The following TMEM74 variants were observed in gnomAD, a reference collection of about 807,000 sequenced individuals.
The protein encoded by TMEM74 is transmembrane protein 74.
TMEM74 carries 13 observed loss-of-function variants against 18.1 expected under a neutral mutation model. That is an observed-to-expected ratio of 0.72 (90% CI 0.47 to 1.14). The LOEUF is 1.14. Ranked by LOEUF, TMEM74 falls within the 50% of genes most tolerant of loss-of-function variation. TMEM74 has a pLI of 0.00. For synonymous variants in TMEM74, 159 were observed against 146.6 expected, an observed-to-expected ratio of 1.08 and a Z score of -0.61; for missense variants, 372 against 375.9, an observed-to-expected ratio of 0.99 and a Z score of 0.09.
intron 2 of TMEM74, among the ~76,000 whole-genome samples, chr8:108,612,151 A>T (rs987814220): frequency 2.0e-5 from 3 of 152,118 alleles, no homozygotes; most frequent in Non-Finnish European, 2.9e-5. Context: ...CTACAATTCA[A>T]GATGAGATTT....
intron 1 of TMEM74, among the ~76,000 whole-genome samples, chr8:108,767,004 C>T (rs111958225): frequency 5.3e-5 from 8 of 152,160 alleles, no homozygotes; most frequent in African/African-American, 1.4e-4. Context: ...GCTGATTACA[C>T]GGTACCCACC....
chr8:108,615,819 C>CTTTTTTTTTTTTTT (rs71564011), intron 2 of TMEM74, among the ~76,000 whole-genome samples: 6 of 76,420 alleles, frequency 7.9e-5, no homozygotes, highest in Non-Finnish European at 1.4e-4. Flanking sequence ...TGCATGGGAG[C>CTTTTTTTTTTTTTT]TTTTTTTTTT....
intron 1 of TMEM74, among the ~76,000 whole-genome samples, chr8:108,657,900 AT>A (rs1334684490): frequency 9.7e-5 from 12 of 123,508 alleles, no homozygotes; most frequent in African/African-American, 3.7e-4. Flanking sequence ...ATATATATAT[AT>A]ATTAATTACA....
At chr8:108,697,374 A>G (rs1813290385) in intron 1 of TMEM74, among the ~76,000 whole-genome samples, 1 of 152,146 alleles carries the variant, frequency 6.6e-6, no homozygotes, top group Admixed American at 6.5e-5. Context: ...ATGACAGGCA[A>G]ATGGGTTCTG....
chr8:108,721,415 A>G (rs1240575072), intron 1 of TMEM74, among the ~76,000 whole-genome samples: 1 of 152,224 alleles, frequency 6.6e-6, no homozygotes, highest in Non-Finnish European at 1.5e-5. Flanking sequence ...GACACTAGTC[A>G]TCTTTCTGAC....
intron 1 of TMEM74, among the ~76,000 whole-genome samples, chr8:108,690,588 G>T (rs753181357): frequency 2.0e-5 from 3 of 151,934 alleles, no homozygotes; most frequent in Non-Finnish European, 4.4e-5. Context: ...GGCCGAGGCG[G>T]GCAGATCACG....
At chr8:108,756,688 GA>G (rs1261723212) in intron 1 of TMEM74, among the ~76,000 whole-genome samples, 90 of 109,052 alleles carry the variant, frequency 8.3e-4, no homozygotes, top group East Asian at 1.7e-3. Context: ...AAGAAAGAAA[GA>G]AAGAAAGAAG....
chr8:108,762,403 A>C, intron 1 of TMEM74, among the ~76,000 whole-genome samples: 1 of 152,124 alleles, frequency 6.6e-6, no homozygotes. Context: ...AGTAATATGC[A>C]GGCTTAGGAC....
intron 2 of TMEM74, among the ~76,000 whole-genome samples, chr8:108,619,080 A>T (rs1333087404): frequency 1.3e-5 from 2 of 152,152 alleles, no homozygotes; most frequent in African/African-American, 4.8e-5. Flanking sequence ...CTTGAGAAAA[A>T]TTTTATTGCA....
At chr8:108,735,053 A>G (rs762440982) in intron 1 of TMEM74, among the ~76,000 whole-genome samples, 5 of 152,066 alleles carry the variant, frequency 3.3e-5, no homozygotes, top group Non-Finnish European at 7.4e-5. Flanking sequence ...CTCTAATTCC[A>G]TCATCATTCT....
At chr8:108,629,892 A>G (rs1442863865) in intron 2 of TMEM74, among the ~76,000 whole-genome samples, 4 of 152,130 alleles carry the variant, frequency 2.6e-5, no homozygotes, top group African/African-American at 9.7e-5. Context: ...ACCAAAATAT[A>G]AAAACCAATG....
At chr8:108,640,530 C>A (rs573844372) in intron 2 of TMEM74, among the ~76,000 whole-genome samples, 8 of 151,926 alleles carry the variant, frequency 5.3e-5, no homozygotes, top group Non-Finnish European at 8.8e-5. Context: ...TTTTTTCAAT[C>A]TAAAGTTATT....
intron 1 of TMEM74, among the ~76,000 whole-genome samples, chr8:108,715,863 G>A (rs1813518459): frequency 6.6e-6 from 1 of 151,920 alleles, no homozygotes; most frequent in African/African-American, 2.4e-5. Context: ...ATATTTATGA[G>A]ACAAGTAACC....
intron 2 of TMEM74, among the ~76,000 whole-genome samples, chr8:108,637,297 A>AT (rs1812616373): frequency 6.6e-6 from 1 of 152,036 alleles, no homozygotes. Flanking sequence ...TTATTATATA[A>AT]TTTTTTAAAA....
At chr8:108,672,549 C>T (rs568633800) in intron 1 of TMEM74, among the ~76,000 whole-genome samples, 10 of 152,270 alleles carry the variant, frequency 6.6e-5, no homozygotes, top group Admixed American at 1.3e-4. Flanking sequence ...TGTCAGTCCC[C>T]GGCCTGGGCC....
chr8:108,667,448 C>T (rs1812959677), intron 1 of TMEM74, among the ~76,000 whole-genome samples: 1 of 152,064 alleles, frequency 6.6e-6, no homozygotes, highest in Non-Finnish European at 1.5e-5. Flanking sequence ...TTTGATGAGT[C>T]ACTCTTTTTC....
intron 1 of TMEM74, among the ~76,000 whole-genome samples, chr8:108,667,657 T>G (rs957178989): frequency 1.3e-5 from 2 of 152,180 alleles, no homozygotes; most frequent in Non-Finnish European, 2.9e-5. Flanking sequence ...CTGGTAAAAT[T>G]CAGATCCCTT....
Position 108,784,308 on chromosome 8 carries a change from C to T in TMEM74, c.791G>A (p.Arg264Lys), listed in dbSNP as rs1412877503. The change falls in exon 2 of 2, where the codon AGA (arginine) becomes AAA (lysine). Residue 264 changes from arginine (R) to lysine (K), a missense_variant. By Grantham distance (26) the Arg-to-Lys change is conservative (BLOSUM62 2). Transcript: ENST00000297459. ...MWKGELYRRN[R>K]FASSKESAKL... is the part of the protein sequence containing the mutation. ...TGCAGACTCTTTGGAAGAGGCAAAT[C>T]TGTTTCGACGATAGAGCTCCCCCTT... 6.2e-7 allele frequency: 1 copy of T among 1,614,054 alleles called. No individual in the cohort carries two copies. Among genetic ancestry groups the T allele is most frequent in the East Asian group, 2.2e-5 (1 of 44,854 alleles).
At chr8:108,628,151 C>T (rs1812514734) in intron 2 of TMEM74, among the ~76,000 whole-genome samples, 1 of 152,054 alleles carries the variant, frequency 6.6e-6, no homozygotes, top group Non-Finnish European at 1.5e-5. Context: ...TGCTCAGGAT[C>T]ATCACTTACC....
Sources: allele counts gnomAD v4.1 joint callset (sites outside exome capture counted in the v4.1 genomes callset), GRCh38; gene constraint gnomAD v4.1.1; transcripts MANE v1.5; gene names NCBI Gene and HGNC (gene_info 2026-07-23, HGNC 2026-07-21).